The following DYSF variants were observed in gnomAD, a reference collection of about 807,000 sequenced individuals.
DYSF encodes the protein dysferlin.
DYSF carries 212 observed loss-of-function variants against 274.9 expected under a neutral mutation model. The ratio of observed to expected loss-of-function variants is 0.77; its 90% confidence interval spans 0.69 to 0.86. The LOEUF (loss-of-function observed/expected upper bound fraction) is 0.86, where lower values mean the gene tolerates loss of function less well. Ranked by LOEUF, DYSF falls within the 40% of genes least tolerant of loss-of-function variation. The pLI is 0.00. For synonymous variants in DYSF, 1,091 were observed against 1,078.7 expected (o/e 1.01, Z -0.22); for missense variants, 2,666 against 2,783.2 (o/e 0.96, Z 0.95).
At chr2:71,505,674 TC>T (rs2085406869) in intron 4 of DYSF, among the ~76,000 whole-genome samples, 1 of 151,880 alleles carries the variant, frequency 6.6e-6, no homozygotes. Flanking sequence ...GGGAAAACAC[TC>T]CCCCAGTCCT....
chr2:71,465,557 A>G (rs1453541859), upstream of DYSF, among the ~76,000 whole-genome samples: 1 of 152,224 alleles, frequency 6.6e-6, no homozygotes, highest in Non-Finnish European at 1.5e-5. Flanking sequence ...TCTCCAACAC[A>G]GCACTGGTTG....
At chr2:71,645,522 G>A (rs368311941) in intron 42 of DYSF, among the ~76,000 whole-genome samples, 1 of 151,792 alleles carries the variant, frequency 6.6e-6, no homozygotes, top group African/African-American at 2.4e-5. Flanking sequence ...AGCAACTTGT[G>A]TTTCTGCCCG....
upstream of DYSF, among the ~76,000 whole-genome samples, chr2:71,464,972 A>AGGT (rs539423386): frequency 3.2e-3 from 483 of 152,178 alleles, 3 homozygotes; most frequent in African/African-American, 9.7e-3. Context: ...GTGGGGTTGA[A>AGGT]GGTGTCACTG....
chr2:71,455,758 TC>T (rs569590974), intron 1 of DYSF, among the ~76,000 whole-genome samples: 109 of 152,216 alleles, frequency 7.2e-4, no homozygotes, highest in African/African-American at 2.3e-3. Context: ...GGGCTGGTGC[TC>T]CAAATGTACA....
intron 53 of DYSF, among the ~76,000 whole-genome samples, chr2:71,680,188 G>A (rs1469138615): frequency 6.6e-6 from 1 of 152,142 alleles, no homozygotes; most frequent in East Asian, 1.9e-4. Context: ...ATATCTTACT[G>A]TACTGCCCAC....
At chr2:71,544,405 G>C (rs116578473) in intron 17 of DYSF, among the ~76,000 whole-genome samples, 238 of 151,974 alleles carry the variant, frequency 1.6e-3, no homozygotes, top group African/African-American at 5.5e-3. Flanking sequence ...GAGACCTCTA[G>C]GAGTTCTTCT....
chr2:71,681,212 C>A lies in DYSF; in HGVS notation c.6173+102C>A. 4 of 1,132,802 alleles carry A rather than the reference C, an allele frequency of 3.5e-6. No individual in the cohort carries two copies. In the South Asian group the frequency reaches 5.2e-5, roughly 15 times the overall value. 70.2% of individuals were successfully genotyped at this position (1,132,802 alleles called of 1,614,324 possible). ...ATGGCCATGTAGAAGTCACAAAGCC[C>A]ACGTGGCTCAGAGAGGGGCACGACT... On this transcript the variant is annotated intron_variant, in intron 54 of 55. Coordinates refer to ENST00000410020, the MANE Select transcript of DYSF (RefSeq NM_001130987.2).
At chr2:71,675,870 TATATA>T (rs1158771466) in intron 52 of DYSF, among the ~76,000 whole-genome samples, 2 of 152,074 alleles carry the variant, frequency 1.3e-5, no homozygotes, top group Non-Finnish European at 2.9e-5. Flanking sequence ...CATGCATACA[TATATA>T]ATATATACAT....
chr2:71,610,790 C>CG (rs1558612052), intron 36 of DYSF: 2 of 273,642 alleles, frequency 7.3e-6, no homozygotes, highest in East Asian at 1.8e-4. Context: ...GATGATAACC[C>CG]GGAAGGGTCT....
intron 24 of DYSF, among the ~76,000 whole-genome samples, chr2:71,566,533 CAGAG>C (rs376858346): frequency 1.3e-5 from 2 of 151,382 alleles, no homozygotes; most frequent in African/African-American, 4.9e-5. Context: ...TGAGCACCAG[CAGAG>C]AGAGAGAGGA....
exon 1 of DYSF, chr2:71,453,816 G>A: frequency 1.5e-6 from 1 of 663,094 alleles, no homozygotes; most frequent in Non-Finnish European, 2.7e-6. Context: ...GCCCACTGGA[G>A]CAGCCGGGGG....
At chr2:71,544,738 T>C (rs140266837) in intron 17 of DYSF, among the ~76,000 whole-genome samples, 3 of 152,302 alleles carry the variant, frequency 2.0e-5, no homozygotes, top group African/African-American at 7.2e-5. Flanking sequence ...AACATCGTTT[T>C]TAAGCAAGAC....
At chr2:71,455,024 C>G (rs2080998901) in intron 1 of DYSF, among the ~76,000 whole-genome samples, 2 of 152,204 alleles carry the variant, frequency 1.3e-5, no homozygotes, top group African/African-American at 4.8e-5. Context: ...TCCCCTTCTC[C>G]CCAGAGATCT....
chr2:71,561,925 T>A lies in DYSF; in HGVS notation c.2390T>A (p.Leu797Gln). The A allele has an allele frequency of 6.2e-7, 1 of 1,614,024 alleles. No individual in the cohort carries two copies. Among genetic ancestry groups the A allele is most frequent in the Non-Finnish European group, 8.5e-7 (1 of 1,179,964 alleles). ...LEQAEDWLLR[L>Q]RALAEEPQNS... Reference sequence around the variant, plus strand: ...CAGGCGGAGGACTGGCTCCTGCGTCTGCGTGCCCTGGCAGAGGAGGTAATT... The same window carrying A: ...CAGGCGGAGGACTGGCTCCTGCGTCAGCGTGCCCTGGCAGAGGAGGTAATT... The change falls in exon 23 of 56, where the codon CTG becomes CAG. Residue 797 changes from leucine (L) to glutamine (Q), a missense_variant. Transcript: ENST00000410020.
chr2:71,542,560 G>A (rs995429834), intron 17 of DYSF, among the ~76,000 whole-genome samples: 1 of 152,054 alleles, frequency 6.6e-6, no homozygotes, highest in African/African-American at 2.4e-5. Flanking sequence ...TTGAGATTAG[G>A]GAGTGGTGAT....
intron 52 of DYSF, among the ~76,000 whole-genome samples, chr2:71,676,526 T>G (rs1210607535): frequency 6.6e-6 from 1 of 152,174 alleles, no homozygotes; most frequent in African/African-American, 2.4e-5. Context: ...TTCTTATGCT[T>G]TAAAATTTTT....
intron 30 of DYSF, among the ~76,000 whole-genome samples, chr2:71,585,193 C>T (rs756260258): frequency 1.1e-4 from 17 of 152,240 alleles, no homozygotes; most frequent in East Asian, 1.9e-4. Context: ...CATCCTACGA[C>T]GCACAGGACA....
intron 17 of DYSF, chr2:71,549,334 T>G (rs1478838435): frequency 6.2e-7 from 1 of 1,611,776 alleles, no homozygotes; most frequent in Admixed American, 1.7e-5. Flanking sequence ...CCCTTTTCCA[T>G]TTCTTTACGC....
chr2:71,472,279 G>A (rs538827300), intron 1 of DYSF, among the ~76,000 whole-genome samples: 9 of 152,284 alleles, frequency 5.9e-5, no homozygotes, highest in East Asian at 1.9e-4. Context: ...GATTTAATGC[G>A]TTGCTGCATT....
Sources: allele counts gnomAD v4.1 joint callset (sites outside exome capture counted in the v4.1 genomes callset), GRCh38; gene constraint gnomAD v4.1.1; transcripts MANE v1.5; gene names NCBI Gene and HGNC (gene_info 2026-07-23, HGNC 2026-07-21).